The following ATP13A4 variants were observed in gnomAD, a reference collection of about 807,000 sequenced individuals.
ATP13A4 encodes the protein ATPase 13A4, also known as probable cation-transporting ATPase 13A4.
A neutral mutation model predicts 142.5 loss-of-function variants in ATP13A4; 114 were observed. That is an observed-to-expected ratio of 0.80 (90% confidence interval 0.69 to 0.93). The LOEUF (loss-of-function observed/expected upper bound fraction) is 0.93, where lower values mean the gene tolerates loss of function less well. Ranked by LOEUF, ATP13A4 falls within the 40% of genes least tolerant of loss-of-function variation. The pLI, the probability that ATP13A4 is intolerant of heterozygous loss-of-function variation, is 0.00. For synonymous variants in ATP13A4, 488 were observed against 514.8 expected, an observed-to-expected ratio of 0.95 and a Z score of 0.70; for missense variants, 1,392 against 1,454.0, an observed-to-expected ratio of 0.96 and a Z score of 0.69.
intron 1 of ATP13A4, among the ~76,000 whole-genome samples, chr3:193,590,374 A>G (rs985981379): frequency 2.0e-5 from 3 of 152,176 alleles, no homozygotes; most frequent in African/African-American, 7.2e-5. Flanking sequence ...TGAGTCTGAA[A>G]TATACCGCAA....
At chr3:193,474,663 G>A (rs1190820394) in intron 8 of ATP13A4, among the ~76,000 whole-genome samples, 2 of 120,314 alleles carry the variant, frequency 1.7e-5, no homozygotes, top group African/African-American at 3.2e-5. Context: ...AAGAAAGAAA[G>A]AAAGAAAAAG....
chr3:193,541,024 C>T (rs1230242820), intron 1 of ATP13A4, among the ~76,000 whole-genome samples: 1 of 151,938 alleles, frequency 6.6e-6, no homozygotes, highest in African/African-American at 2.4e-5. Flanking sequence ...CCGAGGCGGG[C>T]AAATCGCGAG....
intron 2 of ATP13A4, among the ~76,000 whole-genome samples, chr3:193,563,393 G>A (rs776962016): frequency 3.0e-4 from 46 of 152,252 alleles, no homozygotes; most frequent in Non-Finnish European, 6.5e-4. Flanking sequence ...CCTAGGCCTA[G>A]TATCCTTTTA....
chr3:193,582,318 T>C (rs1724565510), intron 1 of ATP13A4, among the ~76,000 whole-genome samples: 1 of 149,444 alleles, frequency 6.7e-6, no homozygotes, highest in African/African-American at 2.4e-5. Flanking sequence ...CCAGCTAATT[T>C]TTTTATTTTT....
intron 17 of ATP13A4, among the ~76,000 whole-genome samples, chr3:193,448,773 A>G (rs1717105051): frequency 6.6e-6 from 1 of 152,238 alleles, no homozygotes; most frequent in South Asian, 2.1e-4. Context: ...AGCGGACACA[A>G]AGGCTCTGGA....
At chr3:193,507,606 G>A (rs1234229875) in intron 2 of ATP13A4, among the ~76,000 whole-genome samples, 1 of 152,192 alleles carries the variant, frequency 6.6e-6, no homozygotes, top group African/African-American at 2.4e-5. Flanking sequence ...TACAAAACAA[G>A]GAAATCTAGC....
chr3:193,587,223 C>G (rs1327631587), intron 1 of ATP13A4, among the ~76,000 whole-genome samples: 10 of 152,192 alleles, frequency 6.6e-5, no homozygotes, highest in African/African-American at 9.6e-5. Flanking sequence ...GATCAGAAGT[C>G]TTTAATCTGT....
intron 2 of ATP13A4, among the ~76,000 whole-genome samples, chr3:193,563,602 CA>C (rs1172854564): frequency 2.0e-5 from 3 of 152,184 alleles, no homozygotes; most frequent in Non-Finnish European, 4.4e-5. Context: ...AGGCTGCAGT[CA>C]GCTGTGATTG....
intron 7 of ATP13A4, among the ~76,000 whole-genome samples, chr3:193,484,741 T>C (rs773639720): frequency 1.3e-5 from 2 of 152,190 alleles, no homozygotes; most frequent in Non-Finnish European, 2.9e-5. Context: ...CAAACATTTA[T>C]TGAGCAAATT....
chr3:193,487,545 G>A (rs1421986917), intron 7 of ATP13A4, among the ~76,000 whole-genome samples: 1 of 152,110 alleles, frequency 6.6e-6, no homozygotes. Context: ...GAACTGCTGG[G>A]TCTAAGCTAT....
Position 193,512,150 on chromosome 3 carries a change from G to A in ATP13A4, c.234+2548C>T, listed in dbSNP as rs900116631. 1.1e-4 allele frequency among the ~76,000 whole-genome samples: 16 copies of A among 152,260 alleles called. No individual in the cohort carries two copies. In the East Asian group the frequency reaches 1.9e-3, roughly 18 times the overall value. On this transcript the variant is annotated intron_variant, in intron 2 of 29. Coordinates refer to ENST00000342695, the MANE Select transcript of ATP13A4 (RefSeq NM_032279.4). ...GTTCTGTTTCTACTGTAGCAAAAGC[G>A]TTACCCTCTGAGAACTAGTTGAGGG...
chr3:193,427,666 C>T (rs1385336773), intron 25 of ATP13A4, among the ~76,000 whole-genome samples: 1 of 152,070 alleles, frequency 6.6e-6, no homozygotes, highest in East Asian at 1.9e-4. Context: ...CTTTGACAAA[C>T]CTGACAAAAA....
intron 1 of ATP13A4, among the ~76,000 whole-genome samples, chr3:193,545,265 A>G (rs1723156365): frequency 1.3e-5 from 2 of 152,200 alleles, no homozygotes; most frequent in South Asian, 4.1e-4. Context: ...CCAAGAAGGC[A>G]ACAGATTCTG....
Position 193,440,545 on chromosome 3 carries a change from G to A in ATP13A4, c.2519+13C>T. Reference sequence around the variant, plus strand: ...CATGCAGTTCATGCCACCTGCACTGGCAAAGAACCTACTCCAGTTTCTGAA... The same window carrying A: ...CATGCAGTTCATGCCACCTGCACTGACAAAGAACCTACTCCAGTTTCTGAA... On this transcript the variant is annotated intron_variant, in intron 21 of 29. Transcript: ENST00000342695. 6.2e-7 allele frequency: 1 copy of A among 1,613,682 alleles called. No individual in the cohort carries two copies. The highest frequency in any genetic ancestry group is 1.3e-5 in the African/African-American group (1 of 75,024).
chr3:193,433,221 G>A (rs1195676844), intron 25 of ATP13A4, among the ~76,000 whole-genome samples: 5 of 152,182 alleles, frequency 3.3e-5, no homozygotes, highest in Admixed American at 6.5e-5. Context: ...TGTGAGGAAC[G>A]CTGATAGTAG....
chr3:193,459,009 T>C, intron 14 of ATP13A4, 72 bp downstream of exon 14: 1 of 1,586,068 alleles, frequency 6.3e-7, no homozygotes, highest in Non-Finnish European at 8.7e-7. Flanking sequence ...AAGAATTAGA[T>C]AGCTCTGATA....
intron 8 of ATP13A4, among the ~76,000 whole-genome samples, chr3:193,483,620 A>G (rs530167134): frequency 4.0e-4 from 61 of 151,804 alleles, no homozygotes; most frequent in Non-Finnish European, 5.3e-4. Flanking sequence ...GCTCGCCACC[A>G]CGCCCGGCTA....
At chr3:193,477,472 C>A (rs1292203898) in intron 8 of ATP13A4, among the ~76,000 whole-genome samples, 1 of 151,604 alleles carries the variant, frequency 6.6e-6, no homozygotes, top group African/African-American at 2.4e-5. Context: ...CAAAAAATGA[C>A]CAATTATATT....
intron 1 of ATP13A4, among the ~76,000 whole-genome samples, chr3:193,588,617 C>G (rs1481825090): frequency 9.2e-5 from 14 of 152,178 alleles, no homozygotes; most frequent in Admixed American, 9.2e-4. Flanking sequence ...TCCTGACCCT[C>G]AGTTTCCCTC....
Sources: gnomAD v4.1 joint callset for allele counts (sites outside exome capture counted in the v4.1 genomes callset) on GRCh38, gnomAD v4.1.1 for gene constraint, MANE v1.5 for transcripts, NCBI Gene and HGNC (gene_info 2026-07-23, HGNC 2026-07-21) for gene names.